Variants in MAGED2 observed in about 807,000 individuals in gnomAD.
The protein encoded by MAGED2 is melanoma-associated antigen D2.
In MAGED2, 6 loss-of-function variants were observed where a neutral mutation model predicts 41.7. The ratio of observed to expected loss-of-function variants is 0.14; its 90% CI spans 0.08 to 0.28. The LOEUF is 0.28. Among genes scored for constraint, MAGED2 ranks in the 10% least tolerant of loss-of-function variants. MAGED2 has a pLI of 1.00. For missense variants in MAGED2, 343 were observed against 486.4 expected, an observed-to-expected ratio of 0.71 and a Z score of 2.77; for synonymous variants, 146 against 178.2, an observed-to-expected ratio of 0.82 and a Z score of 1.44.
intron 1 of MAGED2, chrX:54,808,979 G>A (rs936630176): frequency 6.6e-6 from 2 of 303,628 alleles, no homozygotes; most frequent in Admixed American, 4.8e-5. Flanking sequence ...GCTCGTGCTG[G>A]GAAAGCGGGC....
chrX:54,815,145 T>G, intron 11 of MAGED2, 103 bp from the exon 12 acceptor site: 2 of 1,012,915 alleles, frequency 2.0e-6, no homozygotes, highest in Non-Finnish European at 2.7e-6. Context: ...GGTAGATGCT[T>G]AATCCTCTTA....
rs1429715435 is a variant in MAGED2, at chrX:54,812,935, A to G, written c.1086-10A>G. Reference sequence around the variant, plus strand: ...TGAACATAAACCTCTCTGTCCTGTTATTTCTCTAGGACTAAGGACTCACCC... The same window carrying G: ...TGAACATAAACCTCTCTGTCCTGTTGTTTCTCTAGGACTAAGGACTCACCC... On this transcript the variant is annotated splice_polypyrimidine_tract_variant and intron_variant, in intron 7 of 12. Coordinates refer to ENST00000375068, the MANE Select transcript of MAGED2 (RefSeq NM_177433.3). The G allele has an allele frequency of 3.2e-5, 38 of 1,185,319 alleles. No homozygotes were observed. The highest frequency in any genetic ancestry group is 1.6e-4 in the African/African-American group (9 of 56,566).
At position 54,811,330 on chromosome X, in the gene MAGED2, C is replaced by T; in HGVS notation, c.910+17C>T. 8.4e-7 allele frequency: 1 copy of T among 1,195,355 alleles called. No individual in the cohort carries two copies. The highest frequency in any genetic ancestry group is 1.1e-6 in the Non-Finnish European group (1 of 880,309). On this transcript the variant is annotated intron_variant, in intron 5 of 12. Transcript: ENST00000375068. Reference sequence around the variant, plus strand: ...AGCGCTCGGGTAAAGTCCTACCAATCCTCCCTCTGCCCTGAGCTCTGCCCT... The same window carrying T: ...AGCGCTCGGGTAAAGTCCTACCAATTCTCCCTCTGCCCTGAGCTCTGCCCT...
chrX:54,815,674 T>C lies in MAGED2; in HGVS notation c.1813T>C (p.Tyr605His). The C allele has an allele frequency of 8.7e-7, 1 of 1,154,203 alleles. No individual in the cohort carries two copies. Among genetic ancestry groups the C allele is most frequent in the Non-Finnish European group, 1.2e-6 (1 of 863,031 alleles). Residue 605 changes from tyrosine (Y) to histidine (H), a missense_variant, in exon 12 of 13, where the codon TAC becomes CAC. This residue lies in a region of MAGED2 where 53 missense variants were observed against 60.4 expected (regional missense o/e 0.88). Coordinates refer to ENST00000375068, the MANE Select transcript of MAGED2 (RefSeq NM_177433.3). ...CAGCTCTGGTGCCTGTGGTTTCTCC[T>C]ACAAGTGAGATTTTAGGTATCTGCC... ...SGSSGACGFS[Y>H]K is the part of the protein sequence containing the mutation.
chrX:54,808,916 T>C (rs1257181306), intron 1 of MAGED2: 1 of 223,489 alleles, frequency 4.5e-6, no homozygotes, highest in Non-Finnish European at 8.4e-6. Flanking sequence ...GGGCCAGCAC[T>C]GAGAAGAGCC....
At chrX:54,809,053 G>T (rs949519813) in intron 1 of MAGED2, 15 of 384,021 alleles carry the variant, frequency 3.9e-5, no homozygotes, top group Non-Finnish European at 6.9e-5. Context: ...TGGGTGGGGG[G>T]TGCACTGGGA....
At chrX:54,807,997 G>A (rs1241219659) in intron 1 of MAGED2, among the ~76,000 whole-genome samples, 195 bp downstream of exon 1, 1 of 109,061 alleles carries the variant, frequency 9.2e-6, no homozygotes, top group Non-Finnish European at 1.9e-5. Context: ...GACTAGCGGA[G>A]GGAGGAGGGG....
chrX:54,815,498 G>C lies in MAGED2; in HGVS notation c.1637G>C (p.Ser546Thr), dbSNP rs1037200660. Residue 546 changes from serine to threonine, a missense_variant, in exon 12 of 13, where the codon AGT (serine) becomes ACT (threonine). Ser to Thr is a moderately conservative substitution (Grantham distance 58). Transcript: ENST00000375068. ...AAAGCCAAAGCCCAAGAGAGTGGCA[G>C]TGCCAGCACTGGTGCCAGTACCAGT... Reference protein sequence around the residue: ...EAKAKAQESGSASTGASTSTN... With the variant: ...EAKAKAQESGTASTGASTSTN... 2 of 1,196,950 alleles carry C rather than the reference G, an allele frequency of 1.7e-6. No individual in the cohort carries two copies. Among genetic ancestry groups the C allele is most frequent in the African/African-American group, 3.5e-5 (2 of 57,312 alleles).
rs1044558946 is a variant in MAGED2, at chrX:54,815,539, A to G, written c.1678A>G (p.Ser560Gly). The G allele has an allele frequency of 3.4e-6, 4 of 1,177,959 alleles. No individual in the cohort carries two copies. The highest frequency in any genetic ancestry group is 3.5e-5 in the African/African-American group (2 of 56,771). ...CAGTACCAGTACCAATAACAGTGCC[A>G]GTGCCAGTGCCAGCACCAGTGGTGG... ...GASTSTNNSASASASTSGGFS... is the reference protein window; with the variant it reads ...GASTSTNNSAGASASTSGGFS... Residue 560 changes from serine (S) to glycine (G), a missense_variant, in exon 12 of 13, where the codon AGT (serine) becomes GGT (glycine). Physicochemically the swap from Ser to Gly is moderately conservative, Grantham distance 56. Transcript: ENST00000375068.
chrX:54,808,104 G>A (rs971178459), intron 1 of MAGED2, among the ~76,000 whole-genome samples: 1 of 110,955 alleles, frequency 9.0e-6, no homozygotes, highest in East Asian at 2.8e-4. Flanking sequence ...AAGAGAATCG[G>A]GGATGCAGAG....
rs1214583033 is a variant in MAGED2, at chrX:54,815,608, C to T, written c.1747C>T (p.Leu583Phe). ...CCTGACCGCCACTCTCACATTTGGG[C>T]TCTTCGCTGGCCTTGGTGGAGCTGG... The part of the protein sequence containing the change: ...ASLTATLTFG[L>F]FAGLGGAGAS... Residue 583 changes from leucine to phenylalanine, a missense_variant, in exon 12 of 13, where the codon CTC becomes TTC. Transcript: ENST00000375068. 1.7e-6 allele frequency: 2 copies of T among 1,168,002 alleles called. No homozygotes were observed. Among genetic ancestry groups the T allele is most frequent in the Non-Finnish European group, 2.3e-6 (2 of 873,181 alleles).
Position 54,815,985 on chromosome X carries a change from A to T in MAGED2, c.*113A>T. The T allele has an allele frequency of 4.1e-6, 1 of 246,137 alleles. No individual in the cohort carries two copies. The highest frequency in any genetic ancestry group is 7.2e-6 in the Non-Finnish European group (1 of 138,298). The allele number at this position is 246,137 out of a possible 1,213,427, so 20.3% of individuals were successfully genotyped here. On this transcript the variant is annotated 3_prime_UTR_variant, in exon 13 of 13. Coordinates refer to ENST00000375068, the MANE Select transcript of MAGED2 (RefSeq NM_177433.3). ...CCACTATCAATCAATTGAAGTTGAC[A>T]CTCTGCATTAAATCTATTTGCCATT... is the stretch of plus-strand genomic sequence containing the variant.
rs1319876944 is a variant in MAGED2 at position 54,815,722 on chromosome X, G to A, written c.*8+32G>A. ...GCCTTGGTTTCAGTGGGGACATCTG[G>A]GGCTTATGGGGCTGGGATGAGGAGC... On this transcript the variant is annotated intron_variant, in intron 12 of 12. Transcript: ENST00000375068. 3.1e-5 allele frequency: 30 copies of A among 974,668 alleles called. No homozygotes were observed. In the East Asian group the frequency reaches 9.4e-4, roughly 31 times the overall value. 80.3% of individuals were successfully genotyped at this position (974,668 alleles called of 1,213,427 possible). A position where few individuals can be genotyped will look rare whatever the true frequency, so the allele number is the denominator to read the frequency against.
rs1929926445 is a variant in MAGED2, at chrX:54,815,245, C to T, written c.1387-3C>T. ...CTCCTTCTGATGGTTATTTTTGTTT[C>T]AGGTACAAAAGAAGGATCCCAAGGA... On this transcript the variant is annotated splice_region_variant and splice_polypyrimidine_tract_variant and intron_variant, in intron 11 of 12. Coordinates refer to ENST00000375068, the MANE Select transcript of MAGED2 (RefSeq NM_177433.3). The T allele has an allele frequency of 2.6e-6, 3 of 1,142,674 alleles. No individual in the cohort carries two copies. Among genetic ancestry groups the T allele is most frequent in the East Asian group, 3.0e-5 (1 of 33,267 alleles). 94.2% of individuals were successfully genotyped at this position (1,142,674 alleles called of 1,213,427 possible). A position where few individuals can be genotyped will look rare whatever the true frequency, so the allele number is the denominator to read the frequency against.
At chrX:54,813,395 T>G in intron 9 of MAGED2, 93 bp from the exon 10 acceptor site, 1 of 919,180 alleles carries the variant, frequency 1.1e-6, no homozygotes, top group Non-Finnish European at 1.5e-6. Flanking sequence ...GAAACCTCTT[T>G]TCCATCTTGG....
At chrX:54,813,388 A>G in intron 9 of MAGED2, 100 bp from the exon 10 acceptor site, 1 of 879,827 alleles carries the variant, frequency 1.1e-6, no homozygotes, top group Non-Finnish European at 1.6e-6. Context: ...TGTGCTGGAA[A>G]CCTCTTTTCC....
At chrX:54,810,399 C>T (rs756506616) in intron 3 of MAGED2, among the ~76,000 whole-genome samples, 186 bp downstream of exon 3, 49 of 112,416 alleles carry the variant, frequency 4.4e-4, no homozygotes, top group African/African-American at 1.6e-3. Flanking sequence ...GAATGTAATG[C>T]AGTTTATGTT....
chrX:54,814,931 T>G (rs368709467), intron 11 of MAGED2, among the ~76,000 whole-genome samples, 156 bp downstream of exon 11: 1 of 111,919 alleles, frequency 8.9e-6, no homozygotes, highest in East Asian at 2.8e-4. Flanking sequence ...TCTGAATCAT[T>G]TAAGCCTTAC....
chrX:54,809,046 G>T, intron 1 of MAGED2: 1 of 381,897 alleles, frequency 2.6e-6, no homozygotes, highest in Non-Finnish European at 4.6e-6. Flanking sequence ...CTGCGGCTGG[G>T]TGGGGGGTGC....
Sources: gnomAD v4.1 joint callset for allele counts (sites outside exome capture counted in the v4.1 genomes callset) on GRCh38, gnomAD v4.1.1 for gene constraint, gnomAD v4.1.1 regional missense constraint, MANE v1.5 for transcripts, NCBI Gene and HGNC (gene_info 2026-07-23, HGNC 2026-07-21) for gene names.